Variants in ARHGAP35 observed in about 807,000 individuals in gnomAD.
ARHGAP35 encodes Rho GTPase activating protein 35.
ARHGAP35 carries 15 observed loss-of-function variants against 111.1 expected under a neutral mutation model. The observed-to-expected ratio is 0.13, with a 90% CI of 0.09 to 0.21. The LOEUF is 0.21. ARHGAP35 is among the 10% of genes least tolerant of loss of function. The pLI, the probability that ARHGAP35 is intolerant of heterozygous loss-of-function variation, is 1.00. For synonymous variants in ARHGAP35, 643 were observed against 710.3 expected, an observed-to-expected ratio of 0.91 and a Z score of 1.51; for missense variants, 1,262 against 1,873.0, an observed-to-expected ratio of 0.67 and a Z score of 6.02.
Position 46,918,071 on chromosome 19 carries a change from G to A in ARHGAP35, c.-188-417G>A, listed in dbSNP as rs550012047. On this transcript the variant is annotated intron_variant, in intron 1 of 6. Coordinates refer to ENST00000672722, the MANE Select transcript of ARHGAP35 (RefSeq NM_004491.5). The surrounding 1 kb of genome is among the most constrained non-coding windows in gnomAD (Gnocchi z 5.4). ...CATTACCATACTTAATTATTGTGGC[G>A]CTCAAATTGTCCCAGAGTTGGCCAG... 6.6e-6 allele frequency among the ~76,000 whole-genome samples: 1 copy of A among 152,134 alleles called. No homozygotes were observed. The highest frequency in any genetic ancestry group is 1.5e-5 in the Non-Finnish European group (1 of 68,032).
At chr19:46,990,420 C>T (rs72626220) in intron 5 of ARHGAP35, among the ~76,000 whole-genome samples, 5,052 of 152,320 alleles carry the variant, frequency 0.033, 162 homozygotes, top group East Asian at 0.16. Flanking sequence ...CCTCTCAGAG[C>T]GTCCCACCAT....
intron 1 of ARHGAP35, among the ~76,000 whole-genome samples, chr19:46,875,553 C>T (rs1398418963): frequency 2.0e-5 from 3 of 152,092 alleles, no homozygotes; most frequent in Non-Finnish European, 4.4e-5. Flanking sequence ...TGCATCTTAC[C>T]AACTTTGTGA....
intron 3 of ARHGAP35, among the ~76,000 whole-genome samples, chr19:46,965,313 C>A (rs748501113): frequency 4.0e-5 from 6 of 149,804 alleles, no homozygotes; most frequent in Admixed American, 1.3e-4. Flanking sequence ...GACTTCATCT[C>A]AAAAAAAAAG....
At chr19:46,967,664 T>C (rs565474852) in intron 3 of ARHGAP35, among the ~76,000 whole-genome samples, 154 of 152,368 alleles carry the variant, frequency 1.0e-3, no homozygotes, top group African/African-American at 3.5e-3. Flanking sequence ...AGTTTCATCC[T>C]ACTACTTACC....
intron 3 of ARHGAP35, among the ~76,000 whole-genome samples, chr19:46,979,692 G>A (rs948579150): frequency 2.0e-5 from 3 of 152,204 alleles, no homozygotes; most frequent in Admixed American, 2.0e-4. Flanking sequence ...TGACATGGCC[G>A]TGTGCGCATC....
At chr19:46,972,819 G>A (rs2056558135) in intron 3 of ARHGAP35, among the ~76,000 whole-genome samples, 3 of 152,168 alleles carry the variant, frequency 2.0e-5, no homozygotes, top group Non-Finnish European at 2.9e-5. Flanking sequence ...TCAGAAGGAT[G>A]AAGACAGAAT....
intron 3 of ARHGAP35, among the ~76,000 whole-genome samples, chr19:46,949,458 A>G (rs546737093): frequency 1.2e-4 from 18 of 152,362 alleles, no homozygotes; most frequent in African/African-American, 3.8e-4. Context: ...TCCTGGCCAA[A>G]AATATTTCAC....
chr19:46,983,388 C>T (rs991882943), intron 3 of ARHGAP35, among the ~76,000 whole-genome samples: 1 of 152,052 alleles, frequency 6.6e-6, no homozygotes, highest in African/African-American at 2.4e-5. Context: ...CACTTAGCAC[C>T]GTGTGCCTCA....
intron 1 of ARHGAP35, among the ~76,000 whole-genome samples, chr19:46,889,658 C>T (rs1347111418): frequency 1.4e-5 from 2 of 144,788 alleles, no homozygotes; most frequent in Non-Finnish European, 3.0e-5. Flanking sequence ...CCACATGAAT[C>T]AGGAAACAAG....
intron 1 of ARHGAP35, among the ~76,000 whole-genome samples, chr19:46,894,561 T>C (rs1463632766): frequency 2.0e-5 from 3 of 149,046 alleles, no homozygotes; most frequent in African/African-American, 7.4e-5. Flanking sequence ...TTCTCCTGCC[T>C]CAGCCTCTCG....
chr19:46,991,485 T>C lies in ARHGAP35; in HGVS notation c.4036+1810T>C, dbSNP rs182041062. Among the ~76,000 whole-genome samples the C allele has an allele frequency of 1.7e-3, 258 of 152,328 alleles. 1 individual carries two copies. Among genetic ancestry groups the C allele is most frequent in the African/African-American group, 5.9e-3 (245 of 41,572 alleles). On this transcript the variant is annotated intron_variant, in intron 5 of 6. Coordinates refer to ENST00000672722, the MANE Select transcript of ARHGAP35 (RefSeq NM_004491.5). ...TCAGCCACCCTTCCCACAGCAGCTC[T>C]CACCCAGCTTCCACTGCTCAGGAGG...
chr19:46,985,987 C>T (rs562740205), intron 3 of ARHGAP35, among the ~76,000 whole-genome samples: 3 of 152,314 alleles, frequency 2.0e-5, no homozygotes, highest in South Asian at 4.1e-4. Flanking sequence ...ACGTGGCTCT[C>T]GGAAGCCTGA....
At chr19:46,893,023 A>G (rs563819549) in intron 1 of ARHGAP35, among the ~76,000 whole-genome samples, 2 of 152,288 alleles carry the variant, frequency 1.3e-5, no homozygotes, top group African/African-American at 4.8e-5. Flanking sequence ...CTTCACCGTC[A>G]TGGTCCTTTG....
intron 1 of ARHGAP35, among the ~76,000 whole-genome samples, chr19:46,893,782 ATCT>A (rs2056038733): frequency 6.6e-6 from 1 of 151,820 alleles, no homozygotes; most frequent in African/African-American, 2.4e-5. Context: ...TTGTAATATC[ATCT>A]TCACCAGTGA....
At position 46,919,040 on chromosome 19, in the gene ARHGAP35, C is replaced by T. The variant is rs1275300280; in HGVS notation, c.365C>T (p.Ala122Val). ...ALQPYIKRAA[A>V]TKLASAEKLM... ...CAGCCCTATATCAAGAGAGCTGCTGCGACCAAGCTTGCATCAGCTGAAAAA... is the reference window on the plus strand; with the variant it reads ...CAGCCCTATATCAAGAGAGCTGCTGTGACCAAGCTTGCATCAGCTGAAAAA... Residue 122 changes from alanine (A) to valine (V), a missense_variant, in exon 2 of 7, where the codon GCG becomes GTG. Coordinates refer to ENST00000672722, the MANE Select transcript of ARHGAP35 (RefSeq NM_004491.5). This position sits in a 1 kb window ranked among gnomAD's most constrained non-coding sequence, Gnocchi z 6.2. The T allele has an allele frequency of 6.2e-7, 1 of 1,613,962 alleles. No homozygotes were observed. Among genetic ancestry groups the T allele is most frequent in the Middle Eastern group, 1.6e-4 (1 of 6,062 alleles).
intron 1 of ARHGAP35, among the ~76,000 whole-genome samples, chr19:46,863,267 T>G (rs1034427682): frequency 1.2e-4 from 18 of 152,174 alleles, no homozygotes; most frequent in African/African-American, 4.3e-4. Context: ...AGACTGCAGA[T>G]TCTCTCTCTG....
chr19:46,899,317 C>G (rs772773952), intron 1 of ARHGAP35, among the ~76,000 whole-genome samples: 3 of 152,068 alleles, frequency 2.0e-5, no homozygotes, highest in Admixed American at 1.3e-4. Flanking sequence ...CCATAGAGTT[C>G]TTTTTGAAGG....
intron 3 of ARHGAP35, among the ~76,000 whole-genome samples, chr19:46,980,485 G>A (rs1480235855): frequency 1.3e-5 from 2 of 152,272 alleles, no homozygotes; most frequent in East Asian, 3.9e-4. Context: ...GAGGAGAGGC[G>A]ATTTACTCTC....
At chr19:46,949,372 G>T (rs921632197) in intron 3 of ARHGAP35, among the ~76,000 whole-genome samples, 1 of 152,140 alleles carries the variant, frequency 6.6e-6, no homozygotes, top group African/African-American at 2.4e-5. Context: ...ATAATTTAAA[G>T]ATCTGGGTAT....
Sources: gnomAD v4.1 joint callset for allele counts (sites outside exome capture counted in the v4.1 genomes callset) on GRCh38, gnomAD v4.1.1 for gene constraint, Gnocchi (gnomAD v3.1) non-coding constraint, MANE v1.5 for transcripts, NCBI Gene and HGNC (gene_info 2026-07-23, HGNC 2026-07-21) for gene names.